GPR176: variants seen among roughly 807,000 people sequenced by gnomAD.
GPR176 encodes the protein G-protein coupled receptor 176.
GPR176 carries 26 observed loss-of-function variants against 35.4 expected under a neutral mutation model. The observed-to-expected ratio is 0.74, with a 90% CI of 0.54 to 1.02. GPR176 has a LOEUF of 1.02. Ranked by LOEUF, GPR176 falls within the 50% of genes least tolerant of loss-of-function variation. The pLI, the probability that GPR176 is intolerant of heterozygous loss-of-function variation, is 0.00. For synonymous variants in GPR176, 278 were observed against 271.3 expected, an observed-to-expected ratio of 1.02 and a Z score of -0.24; for missense variants, 597 against 665.3, an observed-to-expected ratio of 0.90 and a Z score of 1.13.
At chr15:39,859,573 G>A (rs936005861) in intron 1 of GPR176, among the ~76,000 whole-genome samples, 2 of 151,906 alleles carry the variant, frequency 1.3e-5, no homozygotes, top group Non-Finnish European at 2.9e-5. Flanking sequence ...TGGTGGGAAT[G>A]TAAAATGGTG....
chr15:39,814,427 A>C (rs954139727), intron 1 of GPR176, among the ~76,000 whole-genome samples: 1 of 152,232 alleles, frequency 6.6e-6, no homozygotes, highest in African/African-American at 2.4e-5. Context: ...GTCTACTTCA[A>C]ATGGCCTATT....
chr15:39,835,852 T>C (rs1188852525), intron 1 of GPR176, among the ~76,000 whole-genome samples: 2 of 152,088 alleles, frequency 1.3e-5, no homozygotes, highest in South Asian at 2.1e-4. Flanking sequence ...CCCAGCATTC[T>C]GGGAGGCCCA....
chr15:39,820,832 G>A (rs1260263611), intron 1 of GPR176, among the ~76,000 whole-genome samples: 1 of 152,164 alleles, frequency 6.6e-6, no homozygotes, highest in Non-Finnish European at 1.5e-5. Context: ...GAAGAGGGCA[G>A]AAATAGAGAG....
intron 2 of GPR176, 93 bp downstream of exon 2, chr15:39,806,913 T>C: frequency 9.0e-7 from 1 of 1,107,128 alleles, no homozygotes; most frequent in Non-Finnish European, 1.3e-6. Context: ...AAAAGCAGTA[T>C]ACGGAACATT....
intron 1 of GPR176, among the ~76,000 whole-genome samples, chr15:39,820,237 C>G (rs1900180383): frequency 6.6e-6 from 1 of 152,106 alleles, no homozygotes; most frequent in African/African-American, 2.4e-5. Context: ...TGGGGGTAGC[C>G]AGATCCAGGA....
intron 1 of GPR176, among the ~76,000 whole-genome samples, chr15:39,894,731 C>A (rs1176882914): frequency 6.6e-6 from 1 of 151,196 alleles, no homozygotes; most frequent in Middle Eastern, 3.5e-3. Flanking sequence ...TCCTCACTTT[C>A]CAGACTGGGC....
At chr15:39,826,647 C>T (rs1446186080) in intron 1 of GPR176, among the ~76,000 whole-genome samples, 1 of 152,214 alleles carries the variant, frequency 6.6e-6, no homozygotes, top group Non-Finnish European at 1.5e-5. Flanking sequence ...ATGCCATTTG[C>T]TTGAAACCCA....
chr15:39,889,027 G>A (rs1346215774), intron 1 of GPR176, among the ~76,000 whole-genome samples: 1 of 149,468 alleles, frequency 6.7e-6, no homozygotes, highest in African/African-American at 2.5e-5. Context: ...AACCTTATCA[G>A]CCTGGAGAGG....
chr15:39,906,093 G>A (rs941824219), intron 1 of GPR176, among the ~76,000 whole-genome samples: 4 of 152,216 alleles, frequency 2.6e-5, no homozygotes, highest in African/African-American at 9.6e-5. Flanking sequence ...GGTTTTGTGT[G>A]TACAAATGGA....
At chr15:39,815,992 G>T (rs1407605012) in intron 1 of GPR176, among the ~76,000 whole-genome samples, 2 of 152,172 alleles carry the variant, frequency 1.3e-5, no homozygotes, top group African/African-American at 2.4e-5. Flanking sequence ...CCTGTCATTT[G>T]CAATAACACA....
chr15:39,830,965 T>C (rs535159009), intron 1 of GPR176, among the ~76,000 whole-genome samples: 1 of 152,306 alleles, frequency 6.6e-6, no homozygotes, highest in South Asian at 2.1e-4. Context: ...CTACATTCCA[T>C]GTTTAGTTTT....
chr15:39,807,471 A>C, intron 1 of GPR176: 1 of 1,104,812 alleles, frequency 9.1e-7, no homozygotes, highest in Non-Finnish European at 1.2e-6. Flanking sequence ...GTCTAGAAAA[A>C]ATTTTAGTGG....
chr15:39,895,605 TACTC>T (rs1352233566), intron 1 of GPR176, among the ~76,000 whole-genome samples: 3 of 152,234 alleles, frequency 2.0e-5, no homozygotes, highest in Admixed American at 1.3e-4. Flanking sequence ...TTAGGCTAGA[TACTC>T]ACACATAATT....
At chr15:39,823,508 A>T (rs1900415075) in intron 1 of GPR176, among the ~76,000 whole-genome samples, 1 of 152,160 alleles carries the variant, frequency 6.6e-6, no homozygotes, top group Non-Finnish European at 1.5e-5. Context: ...TGCATAATGC[A>T]GCTGCTTCTC....
At chr15:39,913,649 G>A (rs2140879954) in intron 1 of GPR176, among the ~76,000 whole-genome samples, 1 of 152,264 alleles carries the variant, frequency 6.6e-6, no homozygotes, top group South Asian at 2.1e-4. Flanking sequence ...TACTACCGAA[G>A]GATACATGGT....
At chr15:39,890,252 T>C (rs1461279747) in intron 1 of GPR176, among the ~76,000 whole-genome samples, 7 of 152,104 alleles carry the variant, frequency 4.6e-5, no homozygotes, top group Non-Finnish European at 8.8e-5. Flanking sequence ...CAGGAAAAAA[T>C]TAAGCTCAGC....
intron 1 of GPR176, among the ~76,000 whole-genome samples, chr15:39,879,214 A>G (rs1176535553): frequency 1.3e-5 from 2 of 152,224 alleles, no homozygotes; most frequent in African/African-American, 4.8e-5. Context: ...AGGTCCATAA[A>G]GTAGGTTAGA....
chr15:39,848,114 C>T (rs1481508833), intron 1 of GPR176, among the ~76,000 whole-genome samples: 1 of 152,144 alleles, frequency 6.6e-6, no homozygotes, highest in African/African-American at 2.4e-5. Context: ...CAATCACCTC[C>T]CACCAGGCCC....
chr15:39,881,267 C>A (rs982344324), intron 1 of GPR176, among the ~76,000 whole-genome samples: 2 of 152,236 alleles, frequency 1.3e-5, no homozygotes, highest in South Asian at 2.1e-4. Flanking sequence ...GAATCTTAGT[C>A]ATCTTTATAT....
Sources: allele counts gnomAD v4.1 joint callset (sites outside exome capture counted in the v4.1 genomes callset), GRCh38; gene constraint gnomAD v4.1.1; transcripts MANE v1.5; gene names NCBI Gene and HGNC (gene_info 2026-07-23, HGNC 2026-07-21).